Variants in TSPAN11 observed in about 807,000 individuals in gnomAD.
The protein encoded by TSPAN11 is tetraspanin-11.
Under a neutral mutation model 32.9 loss-of-function variants are expected in TSPAN11, and 29 were observed. That is an observed-to-expected ratio of 0.88 (90% CI 0.66 to 1.20). TSPAN11 has a LOEUF of 1.20. Ranked by LOEUF, TSPAN11 falls within the 50% of genes most tolerant of loss-of-function variation. The pLI, the probability that TSPAN11 is intolerant of heterozygous loss-of-function variation, is 0.00. For synonymous variants in TSPAN11, 140 were observed against 141.3 expected, an observed-to-expected ratio of 0.99 and a Z score of 0.07; for missense variants, 283 against 329.1, an observed-to-expected ratio of 0.86 and a Z score of 1.08.
At chr12:30,932,245 T>G (rs1217901856) in intron 1 of TSPAN11, among the ~76,000 whole-genome samples, 1 of 152,228 alleles carries the variant, frequency 6.6e-6, no homozygotes, top group Non-Finnish European at 1.5e-5. Flanking sequence ...ATTTACTATT[T>G]AATGATATTC....
chr12:30,982,600 CGAGGGCCGCCAGGTG>C lies in TSPAN11; in HGVS notation c.526_540del (p.Glu176_Val180del). The C allele has an allele frequency of 6.2e-7, 1 of 1,612,886 alleles. No individual in the cohort carries two copies. The highest frequency in any genetic ancestry group is 1.1e-5 in the South Asian group (1 of 91,050). On this transcript the variant is annotated inframe_deletion, in exon 6 of 8. Transcript: ENST00000546076. The stretch of plus-strand genomic sequence containing the variant: ...GCACGTACATCCTGTTGCGGGAGGC[CGAGGGCCGCCAGGTG>C]CCCGACAGCTGCTGCAAGACAGTGG...
chr12:31,009,121 C>T, the TSPAN11 span, among the ~76,000 whole-genome samples: 4 of 151,368 alleles, frequency 2.6e-5, no homozygotes, highest in Admixed American at 1.3e-4. Context: ...GGAGCCTCCC[C>T]GCTCTTCAGC....
At chr12:31,003,350 A>G in the TSPAN11 span, among the ~76,000 whole-genome samples, 4 of 152,290 alleles carry the variant, frequency 2.6e-5, no homozygotes, top group East Asian at 7.7e-4. Context: ...CCTAATGTAG[A>G]CTTGGCCAAA....
chr12:30,977,328 C>G (rs1200776652), intron 3 of TSPAN11, among the ~76,000 whole-genome samples: 1 of 152,224 alleles, frequency 6.6e-6, no homozygotes, highest in Non-Finnish European at 1.5e-5. Flanking sequence ...CCCCTGCCCA[C>G]ACTCCTTTCC....
intron 1 of TSPAN11, among the ~76,000 whole-genome samples, chr12:30,944,640 G>A (rs1938231070): frequency 6.6e-6 from 1 of 152,222 alleles, no homozygotes; most frequent in Non-Finnish European, 1.5e-5. Context: ...TCCATCAACA[G>A]ATGAATGGAT....
intron 2 of TSPAN11, among the ~76,000 whole-genome samples, chr12:30,959,218 T>C (rs1233587724): frequency 1.3e-5 from 2 of 152,018 alleles, no homozygotes; most frequent in African/African-American, 4.8e-5. Flanking sequence ...GAGGGGACTT[T>C]CCCTGCCCCA....
chr12:31,015,672 G>A, the TSPAN11 span: 1 of 152,214 alleles, frequency 6.6e-6, no homozygotes, highest in East Asian at 1.9e-4. This position sits in a 1 kb window ranked among gnomAD's most constrained non-coding sequence, Gnocchi z 4.9. Context: ...CCAGGCAGAT[G>A]CCTCCGTGAA....
chr12:30,990,199 A>C (rs1175159550), intron 7 of TSPAN11, among the ~76,000 whole-genome samples: 1 of 152,138 alleles, frequency 6.6e-6, no homozygotes, highest in African/African-American at 2.4e-5. Context: ...GGTCTGGCCC[A>C]CACACCTCTG....
At chr12:30,965,256 T>C (rs1938705795) in intron 3 of TSPAN11, among the ~76,000 whole-genome samples, 1 of 152,178 alleles carries the variant, frequency 6.6e-6, no homozygotes, top group South Asian at 2.1e-4. Context: ...CCTGTCCGGC[T>C]CTGCACCTGT....
intron 7 of TSPAN11, among the ~76,000 whole-genome samples, chr12:30,988,888 G>A (rs1939257063): frequency 1.3e-5 from 2 of 152,204 alleles, no homozygotes; most frequent in African/African-American, 4.8e-5. Context: ...CTTGTGGGTG[G>A]AATCTGGAGG....
intron 1 of TSPAN11, among the ~76,000 whole-genome samples, chr12:30,936,919 T>C (rs1333626884): frequency 6.6e-6 from 1 of 152,042 alleles, no homozygotes; most frequent in African/African-American, 2.4e-5. Context: ...TCCTTAAAGG[T>C]GTAAACCAGG....
chr12:30,931,789 A>G (rs916062664), intron 1 of TSPAN11, among the ~76,000 whole-genome samples: 1 of 144,858 alleles, frequency 6.9e-6, no homozygotes, highest in African/African-American at 2.5e-5. Flanking sequence ...CTGAGGCAGA[A>G]AAATCGTTTG....
intron 2 of TSPAN11, among the ~76,000 whole-genome samples, chr12:30,955,532 CATT>C (rs1326126816): frequency 1.3e-5 from 2 of 152,192 alleles, no homozygotes; most frequent in East Asian, 3.9e-4. Context: ...GTTCTTATCT[CATT>C]AAGTTCATTT....
At chr12:30,990,576 A>T (rs1301747397) in intron 7 of TSPAN11, among the ~76,000 whole-genome samples, 1 of 152,194 alleles carries the variant, frequency 6.6e-6, no homozygotes, top group Non-Finnish European at 1.5e-5. Context: ...GGCTGAAAGC[A>T]GTGTTCACAC....
intron 3 of TSPAN11, among the ~76,000 whole-genome samples, chr12:30,973,702 C>T (rs1938900349): frequency 6.6e-6 from 1 of 152,182 alleles, no homozygotes; most frequent in South Asian, 2.1e-4. Context: ...CTAGGAAAAG[C>T]AGGACACCAT....
At chr12:31,016,187 T>C in the TSPAN11 span, among the ~76,000 whole-genome samples, 2 of 152,064 alleles carry the variant, frequency 1.3e-5, no homozygotes, top group African/African-American at 4.8e-5. Flanking sequence ...TCCACTTATG[T>C]GAGGTGCCTG....
chr12:30,998,588 G>A (rs548359883), downstream of TSPAN11, among the ~76,000 whole-genome samples: 7 of 152,314 alleles, frequency 4.6e-5, no homozygotes, highest in East Asian at 1.9e-4. Flanking sequence ...GGATCCTGCC[G>A]GGCACCTGGT....
the TSPAN11 span, among the ~76,000 whole-genome samples, chr12:31,014,670 G>A: frequency 5.9e-4 from 90 of 152,256 alleles, no homozygotes; most frequent in Non-Finnish European, 1.1e-3. Flanking sequence ...AAACCTTAAA[G>A]GACAGATGTT....
At position 30,963,858 on chromosome 12, in the gene TSPAN11, C is replaced by T. The variant is rs1051011132; in HGVS notation, c.117C>T (p.Ile39=). ...GAGCAGCCGTCCTGGCTGTGGGCAT[C>T]TGGACCCTGGTGGAGAAGAGTGGCT... is the stretch of plus-strand genomic sequence containing the variant. ...VGGAAVLAVG[I]WTLVEKSGYL... The change falls in exon 3 of 8, where the codon ATC becomes ATT. Residue 39 remains isoleucine, a synonymous_variant. Transcript: ENST00000546076. 1 of 1,611,342 alleles carries T rather than the reference C, an allele frequency of 6.2e-7. No individual in the cohort carries two copies. The highest frequency in any genetic ancestry group is 8.5e-7 in the Non-Finnish European group (1 of 1,180,004).
Sources: gnomAD v4.1 joint callset for allele counts (sites outside exome capture counted in the v4.1 genomes callset) on GRCh38, gnomAD v4.1.1 for gene constraint, Gnocchi (gnomAD v3.1) non-coding constraint, MANE v1.5 for transcripts, NCBI Gene and HGNC (gene_info 2026-07-23, HGNC 2026-07-21) for gene names.